Variants in NFIB observed in about 807,000 individuals in gnomAD.
The protein encoded by NFIB is nuclear factor I B, also known as nuclear factor 1 B-type.
A neutral mutation model predicts 61.5 loss-of-function variants in NFIB; 11 were observed. The observed-to-expected ratio is 0.18, with a 90% confidence interval of 0.11 to 0.30. NFIB has a LOEUF of 0.30. Ranked by LOEUF, NFIB falls within the 10% of genes least tolerant of loss-of-function variation. NFIB has a pLI of 1.00. For missense variants in NFIB, 471 were observed against 608.9 expected (o/e 0.77, Z 2.38); for synonymous variants, 260 against 216.5 (o/e 1.20, Z -1.76).
At chr9:14,466,541 C>T in the NFIB span, among the ~76,000 whole-genome samples, 31 of 152,230 alleles carry the variant, frequency 2.0e-4, no homozygotes, top group African/African-American at 6.3e-4. Flanking sequence ...GCAATGGAGG[C>T]GGGTGCTTCC....
intron 1 of NFIB, among the ~76,000 whole-genome samples, chr9:14,391,512 A>T (rs1251082174): frequency 1.3e-5 from 2 of 152,174 alleles, no homozygotes; most frequent in African/African-American, 2.4e-5. Flanking sequence ...TCCTGATAAG[A>T]TCTCAGAAGT....
At chr9:14,266,532 C>T (rs556610861) in intron 2 of NFIB, among the ~76,000 whole-genome samples, 1 of 152,060 alleles carries the variant, frequency 6.6e-6, no homozygotes, top group Admixed American at 6.6e-5. Flanking sequence ...GAGGTGGAGG[C>T]TGCAAGGAGC....
chr9:14,457,149 G>GT, the NFIB span, among the ~76,000 whole-genome samples: 1 of 152,146 alleles, frequency 6.6e-6, no homozygotes, highest in Non-Finnish European at 1.5e-5. Context: ...GAACATACAC[G>GT]TAAGTACAGC....
At chr9:14,482,359 G>T in the NFIB span, among the ~76,000 whole-genome samples, 2 of 152,084 alleles carry the variant, frequency 1.3e-5, no homozygotes, top group South Asian at 4.1e-4. Flanking sequence ...GGCAGGAGGG[G>T]ATATCGTGTT....
intron 2 of NFIB, among the ~76,000 whole-genome samples, chr9:14,285,041 G>C (rs1242240148): frequency 6.6e-6 from 1 of 152,114 alleles, no homozygotes; most frequent in Admixed American, 6.5e-5. Flanking sequence ...AGATTTGCTT[G>C]GAAATCACTA....
the NFIB span, among the ~76,000 whole-genome samples, chr9:14,484,913 C>G: frequency 1.1e-3 from 170 of 152,210 alleles, 1 homozygote; most frequent in East Asian, 0.022. Flanking sequence ...CAGTCCAAAT[C>G]AGGGTGACAG....
chr9:14,518,791 TCTCC>T, the NFIB span, among the ~76,000 whole-genome samples: 1 of 152,196 alleles, frequency 6.6e-6, no homozygotes, highest in South Asian at 2.1e-4. Context: ...AGTAGAGATC[TCTCC>T]TTCACCCTCT....
At chr9:14,203,484 A>C (rs2049283332) in intron 2 of NFIB, among the ~76,000 whole-genome samples, 1 of 152,168 alleles carries the variant, frequency 6.6e-6, no homozygotes. Flanking sequence ...TAATTATAAG[A>C]TATTTCTGGA....
chr9:14,340,675 C>T (rs554256692), intron 1 of NFIB, among the ~76,000 whole-genome samples: 7 of 152,328 alleles, frequency 4.6e-5, no homozygotes, highest in South Asian at 2.1e-4. Context: ...CAAACCTTTT[C>T]GTTGTGCAGA....
At chr9:14,434,054 T>C in the NFIB span, among the ~76,000 whole-genome samples, 35 of 152,208 alleles carry the variant, frequency 2.3e-4, no homozygotes, top group Admixed American at 2.0e-3. Flanking sequence ...CTAAGAGCTA[T>C]TGCAATATTA....
chr9:14,242,064 C>G (rs1027868955), intron 2 of NFIB, among the ~76,000 whole-genome samples: 4 of 152,058 alleles, frequency 2.6e-5, no homozygotes, highest in Non-Finnish European at 5.9e-5. Context: ...GGCAAACCAG[C>G]CAGCAAAAGG....
intron 1 of NFIB, among the ~76,000 whole-genome samples, chr9:14,319,509 CTT>C (rs952095024): frequency 2.4e-4 from 37 of 152,344 alleles, no homozygotes; most frequent in African/African-American, 8.2e-4. Flanking sequence ...CACAGTGTCT[CTT>C]GTCTGCTGAT....
At chr9:14,234,786 C>T (rs1412148525) in intron 2 of NFIB, among the ~76,000 whole-genome samples, 2 of 141,018 alleles carry the variant, frequency 1.4e-5, no homozygotes, top group Admixed American at 7.4e-5. Flanking sequence ...GGCATTTGTT[C>T]GTTGAAATTT....
intron 1 of NFIB, among the ~76,000 whole-genome samples, chr9:14,324,408 G>C (rs983059003): frequency 3.9e-5 from 6 of 152,164 alleles, no homozygotes; most frequent in African/African-American, 1.4e-4. Context: ...AGTAACACTT[G>C]CATGGGCAGT....
chr9:14,307,713 C>A lies in NFIB; in HGVS notation c.31-193G>T, dbSNP rs2060089338. On this transcript the variant is annotated intron_variant, in intron 1 of 10. Coordinates refer to ENST00000380953, the MANE Select transcript of NFIB (RefSeq NM_001190737.2). The surrounding 1 kb of genome is among the most constrained non-coding windows in gnomAD (Gnocchi z 5.3). ...AGAAAGTAAAGTATGCCCAGCTGTC[C>A]CCTTTCCACCAAAATTCACAGGTCA... Among the ~76,000 whole-genome samples the A allele has an allele frequency of 6.6e-6, 1 of 152,032 alleles. No individual in the cohort carries two copies. The highest frequency in any genetic ancestry group is 2.4e-5 in the African/African-American group (1 of 41,396).
At chr9:14,265,500 G>C (rs749048065) in intron 2 of NFIB, among the ~76,000 whole-genome samples, 1 of 152,220 alleles carries the variant, frequency 6.6e-6, no homozygotes, top group African/African-American at 2.4e-5. Flanking sequence ...TATAAGCCAA[G>C]AGAAGAAGCT....
At chr9:14,393,022 G>C (rs2061643105) in intron 1 of NFIB, among the ~76,000 whole-genome samples, 1 of 152,092 alleles carries the variant, frequency 6.6e-6, no homozygotes, top group South Asian at 2.1e-4. Flanking sequence ...ATCTTTGCTG[G>C]GCAAGTCTAT....
chr9:14,476,867 T>C, the NFIB span, among the ~76,000 whole-genome samples: 24 of 152,310 alleles, frequency 1.6e-4, no homozygotes, highest in East Asian at 4.0e-3. Context: ...ATGTTTCACA[T>C]TCAGAATGAT....
the NFIB span, among the ~76,000 whole-genome samples, chr9:14,490,139 A>G: frequency 6.6e-6 from 1 of 152,148 alleles, no homozygotes; most frequent in African/African-American, 2.4e-5. Flanking sequence ...AACAATAACT[A>G]TTGACCCCAA....
Sources: allele counts gnomAD v4.1 joint callset (sites outside exome capture counted in the v4.1 genomes callset), GRCh38; gene constraint gnomAD v4.1.1; non-coding constraint Gnocchi (gnomAD v3.1); transcripts MANE v1.5; gene names NCBI Gene and HGNC (gene_info 2026-07-23, HGNC 2026-07-21).